Variants in NUP107 observed in about 807,000 individuals in gnomAD.
The protein encoded by NUP107 is nuclear pore complex protein Nup107.
Under a neutral mutation model 141.0 loss-of-function variants are expected in NUP107, and 101 were observed. That is an observed-to-expected ratio of 0.72 (90% CI 0.61 to 0.84). The LOEUF (loss-of-function observed/expected upper bound fraction) is 0.84, where lower values mean the gene tolerates loss of function less well. NUP107 is among the 40% of genes least tolerant of loss of function. The pLI, the probability that NUP107 is intolerant of heterozygous loss-of-function variation, is 0.00. For missense variants in NUP107, 941 were observed against 1,102.7 expected (o/e 0.85, Z 2.08); for synonymous variants, 319 against 363.9 (o/e 0.88, Z 1.41).
chr12:68,713,634 T>C, intron 10 of NUP107, 96 bp from the exon 11 acceptor site: 1 of 843,562 alleles, frequency 1.2e-6, no homozygotes, highest in Non-Finnish European at 1.9e-6. Flanking sequence ...ACTGGGATTG[T>C]AGTCTGTCTT....
rs774953235 is a variant in NUP107 at position 68,715,760 on chromosome 12, C to G, written c.1083+20C>G. The G allele has an allele frequency of 6.9e-7, 1 of 1,456,210 alleles. No individual in the cohort carries two copies. The highest frequency in any genetic ancestry group is 9.6e-7 in the Non-Finnish European group (1 of 1,044,398). The allele number at this position is 1,456,210 out of a possible 1,614,324, so 90.2% of individuals were successfully genotyped here. ...GAAGAGGTCAGTCATGTATACCCTT[C>G]TTGTCTAATTTCAAAAAGTCATAGA... On this transcript the variant is annotated intron_variant, in intron 12 of 27. Transcript: ENST00000229179.
rs895028411 is a variant in NUP107, at chr12:68,715,545, T to A, written c.970-82T>A. On this transcript the variant is annotated intron_variant, in intron 11 of 27. Coordinates refer to ENST00000229179, the MANE Select transcript of NUP107 (RefSeq NM_020401.4). ...TATTTGTGTATAAACTCAGGATAGG[T>A]TTATCATCTCTTGATGATGTGTAAA... 10 of 761,724 alleles carry A rather than the reference T, an allele frequency of 1.3e-5. No individual in the cohort carries two copies. In the African/African-American group the frequency reaches 1.6e-4, roughly 12 times the overall value. 47.2% of individuals were successfully genotyped at this position (761,724 alleles called of 1,614,324 possible).
At chr12:68,709,418 C>T (rs77037373) in intron 9 of NUP107, 109 bp downstream of exon 9, 2 of 593,548 alleles carry the variant, frequency 3.4e-6, no homozygotes, top group South Asian at 2.6e-5. Flanking sequence ...AATTTTTTTT[C>T]TACTTGATCT....
chr12:68,690,868 TC>T lies in NUP107; in HGVS notation c.303+123del, dbSNP rs1176369621. On this transcript the variant is annotated intron_variant, in intron 4 of 27. Transcript: ENST00000229179. Reference sequence around the variant, plus strand: ...TTCTCCCGCCTTGGCCTCCCAGAAGTCAGGAGTTTGAGACTAGCCTGCTTAG... The same window carrying T: ...TTCTCCCGCCTTGGCCTCCCAGAAGTAGGAGTTTGAGACTAGCCTGCTTAG... 26 of 933,288 alleles carry T rather than the reference TC, an allele frequency of 2.8e-5. No individual in the cohort carries two copies. In the Admixed American group the frequency reaches 4.4e-4, roughly 16 times the overall value. 57.8% of individuals were successfully genotyped at this position (933,288 alleles called of 1,614,324 possible).
intron 26 of NUP107, among the ~76,000 whole-genome samples, chr12:68,737,533 C>T (rs901752185): frequency 7.1e-6 from 1 of 140,334 alleles, no homozygotes; most frequent in Non-Finnish European, 1.5e-5. Flanking sequence ...TGCACTTCAG[C>T]CTAGGTGACA....
At position 68,742,354 on chromosome 12, in the gene NUP107, G is replaced by T; in HGVS notation, c.2671-1G>T. On this transcript the variant is annotated splice_acceptor_variant, in intron 27 of 27. Coordinates refer to ENST00000229179, the MANE Select transcript of NUP107 (RefSeq NM_020401.4). LOFTEE classifies it high-confidence loss of function. ...TTCTTATTTCTCTTTTTAAAAATCAGGTATTTTCTAAGGAAGAGCTAAGGA... is the reference window on the plus strand; with the variant it reads ...TTCTTATTTCTCTTTTTAAAAATCATGTATTTTCTAAGGAAGAGCTAAGGA... 6.3e-7 allele frequency: 1 copy of T among 1,578,102 alleles called. No homozygotes were observed. The highest frequency in any genetic ancestry group is 8.7e-7 in the Non-Finnish European group (1 of 1,149,732).
At chr12:68,714,526 C>T (rs1565694873) in intron 11 of NUP107, 2 of 152,254 alleles carry the variant, frequency 1.3e-5, no homozygotes, top group East Asian at 3.9e-4. Context: ...TATGTGTTTG[C>T]AAAATATTTA....
intron 8 of NUP107, chr12:68,706,579 T>C (rs1447205549): frequency 1.5e-6 from 1 of 685,920 alleles, no homozygotes; most frequent in Non-Finnish European, 2.7e-6. Context: ...ATCAGTCGGC[T>C]CCAGGATGAG....
intron 21 of NUP107, 151 bp downstream of exon 21, chr12:68,731,411 A>G (rs1877821434): frequency 1.2e-6 from 1 of 816,324 alleles, no homozygotes; most frequent in Admixed American, 3.7e-5. Flanking sequence ...TTAGGACTAA[A>G]GTTACTTATG....
intron 14 of NUP107, 61 bp downstream of exon 14, chr12:68,719,715 C>T (rs1190262728): frequency 1.7e-6 from 2 of 1,196,728 alleles, no homozygotes; most frequent in Non-Finnish European, 2.5e-6. Flanking sequence ...AAAGCCTATT[C>T]AGGGGCTGTG....
chr12:68,702,920 T>C, intron 8 of NUP107, 136 bp downstream of exon 8: 1 of 447,324 alleles, frequency 2.2e-6, no homozygotes, highest in Non-Finnish European at 3.9e-6. Flanking sequence ...CTCGGCTCAC[T>C]GCAACCTCTG....
chr12:68,706,068 C>T (rs1433275868), intron 8 of NUP107: 17 of 788,682 alleles, frequency 2.2e-5, no homozygotes, highest in South Asian at 1.9e-4. Flanking sequence ...GCTACATCAA[C>T]AAACTTCTGC....
chr12:68,706,756 G>A (rs957599487), intron 8 of NUP107: 4 of 760,030 alleles, frequency 5.3e-6, no homozygotes, highest in Non-Finnish European at 9.8e-6. Context: ...AGGAGCTGAT[G>A]AACTTCAAGC....
chr12:68,728,493 G>A (rs914174456), intron 20 of NUP107, among the ~76,000 whole-genome samples: 4 of 138,678 alleles, frequency 2.9e-5, no homozygotes, highest in African/African-American at 1.1e-4. Context: ...GCACCATCTC[G>A]GCTTACTGCA....
At chr12:68,723,850 C>A (rs1877450933) in intron 17 of NUP107, among the ~76,000 whole-genome samples, 1 of 152,006 alleles carries the variant, frequency 6.6e-6, no homozygotes, top group Admixed American at 6.6e-5. Flanking sequence ...TTGTTCATAT[C>A]TTTTAGCTAT....
At chr12:68,698,810 C>T (rs1876188985) in intron 6 of NUP107, among the ~76,000 whole-genome samples, 1 of 152,224 alleles carries the variant, frequency 6.6e-6, no homozygotes, top group South Asian at 2.1e-4. Flanking sequence ...AGGTAGAACA[C>T]AGGATTTTTA....
intron 4 of NUP107, among the ~76,000 whole-genome samples, chr12:68,691,063 A>G (rs1282512385): frequency 6.6e-6 from 1 of 152,104 alleles, no homozygotes; most frequent in Non-Finnish European, 1.5e-5. Context: ...AGAAAAAAGA[A>G]CTTCTCCCTT....
At chr12:68,721,796 C>G in intron 15 of NUP107, 45 bp from the exon 16 acceptor site, 1 of 1,572,726 alleles carries the variant, frequency 6.4e-7, no homozygotes, top group Non-Finnish European at 8.6e-7. Flanking sequence ...CCTTTCTTTT[C>G]TGTTGAATAT....
intron 26 of NUP107, among the ~76,000 whole-genome samples, 174 bp from the exon 27 acceptor site, chr12:68,741,639 A>G (rs1878323490): frequency 6.6e-6 from 1 of 152,210 alleles, no homozygotes. Flanking sequence ...ATGCAGAAGC[A>G]TTTTATTTTC....
Sources: gnomAD v4.1 joint callset for allele counts (sites outside exome capture counted in the v4.1 genomes callset) on GRCh38, gnomAD v4.1.1 for gene constraint, MANE v1.5 for transcripts, NCBI Gene and HGNC (gene_info 2026-07-23, HGNC 2026-07-21) for gene names.